Variants in B3GALT1 observed in about 807,000 individuals in gnomAD.
B3GALT1 encodes the protein beta-1,3-galactosyltransferase 1.
Under a neutral mutation model 23.2 loss-of-function variants are expected in B3GALT1, and 10 were observed. The ratio of observed to expected loss-of-function variants is 0.43; its 90% CI spans 0.27 to 0.73. The LOEUF (loss-of-function observed/expected upper bound fraction) is 0.73. Ranked by LOEUF, B3GALT1 falls within the 30% of genes least tolerant of loss-of-function variation. The pLI is 0.21. For missense variants in B3GALT1, 299 were observed against 405.4 expected (o/e 0.74, Z 2.25); for synonymous variants, 156 against 141.5 (o/e 1.10, Z -0.73).
chr2:167,294,102 C>T (rs1047206742), intron 1 of B3GALT1, among the ~76,000 whole-genome samples: 4 of 152,170 alleles, frequency 2.6e-5, no homozygotes, highest in African/African-American at 4.8e-5. Context: ...CGGCGTAGGG[C>T]GCAGCGGGAC....
intron 3 of B3GALT1, among the ~76,000 whole-genome samples, chr2:167,753,912 A>G (rs1419159829): frequency 6.6e-6 from 1 of 152,194 alleles, no homozygotes; most frequent in African/African-American, 2.4e-5. Context: ...TTTATTCAAT[A>G]GGGATAATGG....
At chr2:167,763,632 AGC>A (rs1366110327) in intron 3 of B3GALT1, among the ~76,000 whole-genome samples, 1 of 142,752 alleles carries the variant, frequency 7.0e-6, no homozygotes, top group Admixed American at 7.4e-5. Flanking sequence ...CAGAGGTTGC[AGC>A]GACCCGAGAT....
chr2:167,574,275 A>G (rs1253423950), intron 2 of B3GALT1, among the ~76,000 whole-genome samples: 2 of 151,728 alleles, frequency 1.3e-5, no homozygotes, highest in Non-Finnish European at 3.0e-5. Context: ...TTTAAAATCC[A>G]GAACAAAAGT....
chr2:167,749,289 G>C (rs1687697905), intron 3 of B3GALT1, among the ~76,000 whole-genome samples: 1 of 152,180 alleles, frequency 6.6e-6, no homozygotes, highest in Admixed American at 6.6e-5. Flanking sequence ...AACTTTTGCA[G>C]TGTCATATCC....
intron 2 of B3GALT1, among the ~76,000 whole-genome samples, chr2:167,622,840 A>G (rs1385034353): frequency 2.0e-5 from 3 of 152,108 alleles, no homozygotes; most frequent in Non-Finnish European, 4.4e-5. Flanking sequence ...AACCTAGGGC[A>G]TTCAGTATTA....
At position 167,490,718 on chromosome 2, in the gene B3GALT1, T is replaced by C. The variant is rs139799101; in HGVS notation, c.-410+441T>C. On this transcript the variant is annotated intron_variant, in intron 2 of 4. Transcript: ENST00000392690. Reference sequence around the variant, plus strand: ...ATTAGCACATCTGTAAACACTTGTGTTGGGGAGCTGTGCTGCTGAGCAATA... The same window carrying C: ...ATTAGCACATCTGTAAACACTTGTGCTGGGGAGCTGTGCTGCTGAGCAATA... 1.5e-3 allele frequency among the ~76,000 whole-genome samples: 223 copies of C among 152,320 alleles called. 5 individuals carry two copies. The East Asian group carries it at 0.038, about 26-fold the overall frequency.
chr2:167,636,281 G>C (rs1198497967), intron 2 of B3GALT1, among the ~76,000 whole-genome samples: 1 of 151,692 alleles, frequency 6.6e-6, no homozygotes, highest in Non-Finnish European at 1.5e-5. Flanking sequence ...TGAAATAAAG[G>C]GGATTAGTTT....
intron 2 of B3GALT1, among the ~76,000 whole-genome samples, chr2:167,540,927 G>A (rs949709308): frequency 6.6e-6 from 1 of 152,032 alleles, no homozygotes; most frequent in Non-Finnish European, 1.5e-5. Flanking sequence ...TTCCAACCTT[G>A]GCACATATAA....
intron 3 of B3GALT1, among the ~76,000 whole-genome samples, chr2:167,662,455 G>A (rs1230410833): frequency 6.6e-6 from 1 of 152,016 alleles, no homozygotes; most frequent in Non-Finnish European, 1.5e-5. Flanking sequence ...TGCCCCTAAT[G>A]CTGTGGTGTG....
At chr2:167,750,753 A>C (rs1448840) in intron 3 of B3GALT1, among the ~76,000 whole-genome samples, 5,933 of 150,904 alleles carry the variant, frequency 0.039, 432 homozygotes, top group African/African-American at 0.14. Context: ...AAAAAAAAAA[A>C]ACTAAGCCCC....
At chr2:167,324,836 T>C (rs1403487811) in intron 1 of B3GALT1, among the ~76,000 whole-genome samples, 2 of 152,104 alleles carry the variant, frequency 1.3e-5, no homozygotes, top group African/African-American at 4.8e-5. Flanking sequence ...TTTGCATCCA[T>C]TAACCAACCT....
chr2:167,436,690 T>G (rs1698791173), intron 1 of B3GALT1, among the ~76,000 whole-genome samples: 1 of 152,122 alleles, frequency 6.6e-6, no homozygotes, highest in Non-Finnish European at 1.5e-5. Flanking sequence ...TGTATACAGG[T>G]AAAATCCATA....
At chr2:167,772,826 A>G (rs77352129) in intron 3 of B3GALT1, among the ~76,000 whole-genome samples, 4,163 of 152,334 alleles carry the variant, frequency 0.027, 87 homozygotes, top group Non-Finnish European at 0.045. Context: ...CATTACTGAC[A>G]CCTGTCAAAA....
chr2:167,799,420 T>C (rs1222181571), intron 3 of B3GALT1, among the ~76,000 whole-genome samples: 1 of 152,110 alleles, frequency 6.6e-6, no homozygotes, highest in Non-Finnish European at 1.5e-5. Context: ...AGCTCCCTCT[T>C]ATACGTGAGA....
chr2:167,514,178 AT>A (rs1467593736), intron 2 of B3GALT1, among the ~76,000 whole-genome samples: 2 of 152,164 alleles, frequency 1.3e-5, no homozygotes, highest in African/African-American at 4.8e-5. Flanking sequence ...AAGTGCTGGG[AT>A]TACAGGTGTG....
chr2:167,768,497 G>C (rs1272038116), intron 3 of B3GALT1, among the ~76,000 whole-genome samples: 1 of 152,152 alleles, frequency 6.6e-6, no homozygotes, highest in Admixed American at 6.5e-5. Context: ...CTGTTAACTT[G>C]CATGGCATAT....
intron 3 of B3GALT1, among the ~76,000 whole-genome samples, chr2:167,760,590 G>A (rs1010723858): frequency 2.6e-5 from 4 of 152,208 alleles, no homozygotes; most frequent in Non-Finnish European, 1.5e-5. Context: ...CACCGTCTTA[G>A]TCTGAGATAA....
intron 4 of B3GALT1, among the ~76,000 whole-genome samples, chr2:167,835,660 T>TGACA (rs1689448885): frequency 6.6e-6 from 1 of 152,218 alleles, no homozygotes. Flanking sequence ...TGTCCCTGTC[T>TGACA]GACAGCCTTG....
intron 2 of B3GALT1, among the ~76,000 whole-genome samples, chr2:167,616,719 A>T (rs1184534668): frequency 1.3e-5 from 2 of 152,024 alleles, no homozygotes; most frequent in African/African-American, 2.4e-5. Context: ...TAAATAAATA[A>T]CAAGAATATA....
Sources: gnomAD v4.1 joint callset for allele counts (sites outside exome capture counted in the v4.1 genomes callset) on GRCh38, gnomAD v4.1.1 for gene constraint, MANE v1.5 for transcripts, NCBI Gene and HGNC (gene_info 2026-07-23, HGNC 2026-07-21) for gene names.